PLGRKT: variants seen among roughly 807,000 people sequenced by gnomAD.
PLGRKT encodes plasminogen receptor with a C-terminal lysine.
A neutral mutation model predicts 18.5 loss-of-function variants in PLGRKT; 22 were observed. That is an observed-to-expected ratio of 1.19 (90% confidence interval 0.85 to 1.70). The LOEUF (loss-of-function observed/expected upper bound fraction) is 1.70, where lower values mean the gene tolerates loss of function less well. PLGRKT is among the 40% of genes most tolerant of loss of function. The pLI is 0.00. For missense variants in PLGRKT, 235 were observed against 174.4 expected (o/e 1.35, Z -1.96); for synonymous variants, 72 against 52.8 (o/e 1.36, Z -1.58).
At chr9:5,432,005 G>A in intron 2 of PLGRKT, 22 bp from the exon 3 acceptor site, 4 of 1,077,324 alleles carry the variant, frequency 3.7e-6, no homozygotes, top group Admixed American at 1.7e-5. Flanking sequence ...AAAAAGCAAG[G>A]AGACTTATAA....
At position 5,418,941 on chromosome 9, in the gene PLGRKT, T is replaced by C; in HGVS notation, c.81+12956A>G. On this transcript the variant is annotated intron_variant, in intron 3 of 5. Transcript: ENST00000223864. This position sits in a 1 kb window ranked among gnomAD's most constrained non-coding sequence, Gnocchi z 4.2. Reference sequence around the variant, plus strand: ...GGGGCTGCAGTAATTAAAACAGATCTGACATTCTAGCAGAGTCCTGGGACA... The same window carrying C: ...GGGGCTGCAGTAATTAAAACAGATCCGACATTCTAGCAGAGTCCTGGGACA... The C allele has an allele frequency of 1.3e-6, 1 of 777,358 alleles. No individual in the cohort carries two copies. The highest frequency in any genetic ancestry group is 2.1e-6 in the Non-Finnish European group (1 of 470,834). 48.2% of individuals were successfully genotyped at this position (777,358 alleles called of 1,614,324 possible). A position where few individuals can be genotyped will look rare whatever the true frequency, so the allele number is the denominator to read the frequency against.
chr9:5,426,489 C>A (rs1331756911), intron 3 of PLGRKT, among the ~76,000 whole-genome samples: 2 of 152,170 alleles, frequency 1.3e-5, no homozygotes, highest in Admixed American at 1.3e-4. Flanking sequence ...CAGGGAGGAT[C>A]AGAACTCAAG....
At chr9:5,384,264 GA>G (rs1371152317) in intron 3 of PLGRKT, among the ~76,000 whole-genome samples, 1 of 152,216 alleles carries the variant, frequency 6.6e-6, no homozygotes, top group East Asian at 1.9e-4. Flanking sequence ...AGGAAACTGA[GA>G]AGGAAATGAA....
At chr9:5,381,107 CCT>C (rs1383961643) in intron 3 of PLGRKT, among the ~76,000 whole-genome samples, 5 of 152,348 alleles carry the variant, frequency 3.3e-5, no homozygotes, top group African/African-American at 1.2e-4. Flanking sequence ...GTTAATTAAA[CCT>C]CTTTCCTTTT....
At chr9:5,432,682 G>C (rs1419601748) in intron 2 of PLGRKT, among the ~76,000 whole-genome samples, 1 of 152,196 alleles carries the variant, frequency 6.6e-6, no homozygotes, top group Non-Finnish European at 1.5e-5. Context: ...ATTTTTGGTG[G>C]AGACGGGGTT....
intron 3 of PLGRKT, among the ~76,000 whole-genome samples, chr9:5,371,092 C>T (rs550282631): frequency 1.3e-4 from 20 of 152,234 alleles, no homozygotes; most frequent in South Asian, 4.1e-4. Flanking sequence ...CATTCTTACG[C>T]GTACATGTAA....
At chr9:5,417,465 G>T (rs1176972220) in intron 3 of PLGRKT, among the ~76,000 whole-genome samples, 1 of 151,784 alleles carries the variant, frequency 6.6e-6, no homozygotes, top group Non-Finnish European at 1.5e-5. Context: ...TATGAAGTTG[G>T]ATTTGGCAAT....
chr9:5,435,748 C>G (rs1355365184), intron 2 of PLGRKT, among the ~76,000 whole-genome samples: 1 of 152,230 alleles, frequency 6.6e-6, no homozygotes, highest in African/African-American at 2.4e-5. Flanking sequence ...CTCTACCCTT[C>G]TCAACAATGT....
At chr9:5,424,595 G>A (rs1285476776) in intron 3 of PLGRKT, among the ~76,000 whole-genome samples, 7 of 123,140 alleles carry the variant, frequency 5.7e-5, no homozygotes, top group African/African-American at 2.0e-4. Context: ...ATATTATACA[G>A]TAATATAATA....
At chr9:5,415,221 T>A (rs1818437565) in intron 3 of PLGRKT, among the ~76,000 whole-genome samples, 1 of 152,132 alleles carries the variant, frequency 6.6e-6, no homozygotes, top group African/African-American at 2.4e-5. Context: ...AAATGGAAGT[T>A]GGTCAAAGTC....
intron 5 of PLGRKT, among the ~76,000 whole-genome samples, chr9:5,359,548 C>T (rs899170561): frequency 6.6e-6 from 1 of 152,106 alleles, no homozygotes; most frequent in Admixed American, 6.5e-5. Flanking sequence ...CGTGAGAGAG[C>T]CTTTCTTCCA....
At chr9:5,383,818 T>C (rs1817790566) in intron 3 of PLGRKT, among the ~76,000 whole-genome samples, 2 of 152,188 alleles carry the variant, frequency 1.3e-5, no homozygotes, top group East Asian at 1.9e-4. Context: ...GGCAGTCCGG[T>C]TCCTAATGGG....
At chr9:5,373,659 A>G (rs1817571650) in intron 3 of PLGRKT, among the ~76,000 whole-genome samples, 1 of 152,140 alleles carries the variant, frequency 6.6e-6, no homozygotes, top group Admixed American at 6.5e-5. Flanking sequence ...TTAGCTGGGC[A>G]TGGTGGCACA....
At chr9:5,372,903 T>C (rs1042411089) in intron 3 of PLGRKT, among the ~76,000 whole-genome samples, 5 of 152,184 alleles carry the variant, frequency 3.3e-5, no homozygotes, top group Non-Finnish European at 7.3e-5. Flanking sequence ...CTGAGGAAAC[T>C]AGGGATCAGA....
chr9:5,415,957 A>C (rs1818450975), intron 3 of PLGRKT, among the ~76,000 whole-genome samples: 1 of 152,022 alleles, frequency 6.6e-6, no homozygotes, highest in African/African-American at 2.4e-5. Context: ...ATATCAAAAA[A>C]AAAAAAAAAA....
At chr9:5,396,792 T>C (rs1446722550) in intron 3 of PLGRKT, among the ~76,000 whole-genome samples, 5 of 151,926 alleles carry the variant, frequency 3.3e-5, no homozygotes, top group African/African-American at 1.2e-4. Context: ...ATGCATTTTA[T>C]CATTATCATC....
intron 3 of PLGRKT, among the ~76,000 whole-genome samples, chr9:5,408,111 T>C (rs748607963): frequency 2.0e-5 from 3 of 152,248 alleles, no homozygotes; most frequent in Non-Finnish European, 2.9e-5. Context: ...TTTTAGATTA[T>C]ATTTTGCTAT....
intron 2 of PLGRKT, among the ~76,000 whole-genome samples, chr9:5,432,953 G>A (rs567762522): frequency 7.2e-5 from 11 of 152,004 alleles, no homozygotes; most frequent in Non-Finnish European, 1.3e-4. Flanking sequence ...CTGCCTGGCC[G>A]CCCTGTCTGG....
intron 3 of PLGRKT, among the ~76,000 whole-genome samples, chr9:5,409,998 A>G (rs1017808830): frequency 2.1e-4 from 32 of 152,140 alleles, no homozygotes; most frequent in African/African-American, 7.0e-4. Context: ...ACCTTTAAAA[A>G]CCCTAGAAAC....
Sources: gnomAD v4.1 joint callset for allele counts (sites outside exome capture counted in the v4.1 genomes callset) on GRCh38, gnomAD v4.1.1 for gene constraint, Gnocchi (gnomAD v3.1) non-coding constraint, MANE v1.5 for transcripts, NCBI Gene and HGNC (gene_info 2026-07-23, HGNC 2026-07-21) for gene names.